NLRP13: variants seen among roughly 807,000 people sequenced by gnomAD.
The protein encoded by NLRP13 is NLR family pyrin domain containing 13, also known as NACHT, LRR and PYD domains-containing protein 13.
In NLRP13, 82 loss-of-function variants were observed where a neutral mutation model predicts 94.4. The observed-to-expected ratio is 0.87, with a 90% CI of 0.73 to 1.04. The LOEUF (loss-of-function observed/expected upper bound fraction) is 1.04. Among genes scored for constraint, NLRP13 ranks in the 50% least tolerant of loss-of-function variants. The pLI is 0.00. For missense variants in NLRP13, 1,426 were observed against 1,230.8 expected (o/e 1.16, Z -2.37); for synonymous variants, 553 against 464.7 (o/e 1.19, Z -2.45).
chr19:55,907,987 T>A (rs370721496), intron 6 of NLRP13, 31 bp from the exon 7 acceptor site: 1 of 1,573,292 alleles, frequency 6.4e-7, no homozygotes, highest in Non-Finnish European at 8.6e-7. Flanking sequence ...GAAAGCTGGA[T>A]TGGGGGAGAA....
At chr19:55,892,091 T>C (rs1985866564), downstream of NLRP13, 5 of 1,231,626 alleles carry the variant, frequency 4.1e-6, no homozygotes, top group Non-Finnish European at 5.1e-6. Flanking sequence ...GTATCTCCTC[T>C]CTCACTACAT....
At chr19:55,918,443 T>G (rs148449927) in intron 4 of NLRP13, among the ~76,000 whole-genome samples, 1 of 152,040 alleles carries the variant, frequency 6.6e-6, no homozygotes, top group African/African-American at 2.4e-5. Context: ...AACCAAAGCT[T>G]GGTTACTTTA....
At chr19:55,891,734 A>G, downstream of NLRP13, 1 of 228,798 alleles carries the variant, frequency 4.4e-6, no homozygotes, top group Non-Finnish European at 8.4e-6. Context: ...AACACCTCCA[A>G]GAATTAAAAA....
At position 55,897,697 on chromosome 19, in the gene NLRP13, G is replaced by A. The variant is rs192523493; in HGVS notation, c.2957+1073C>T. Among the ~76,000 whole-genome samples the A allele has an allele frequency of 1.6e-3, 239 of 152,112 alleles. 2 individuals carry two copies. Among genetic ancestry groups the A allele is most frequent in the African/African-American group, 5.6e-3 (231 of 41,488 alleles). ...CGTTAACCTATTCATGTTTCTTTCA[G>A]GCCTATGAGAGAACAAGTCTAGTTT... On this transcript the variant is annotated intron_variant, in intron 10 of 10. Coordinates refer to ENST00000342929, the MANE Select transcript of NLRP13 (RefSeq NM_176810.2).
chr19:55,924,509 A>T, intron 3 of NLRP13, 81 bp downstream of exon 3: 2 of 954,514 alleles, frequency 2.1e-6, no homozygotes, highest in East Asian at 4.8e-5. Context: ...AAGAAATTTC[A>T]GCATAGGCAG....
intron 6 of NLRP13, among the ~76,000 whole-genome samples, chr19:55,908,507 A>C (rs1986417446): frequency 1.3e-5 from 2 of 152,340 alleles, no homozygotes; most frequent in South Asian, 4.1e-4. Context: ...AATAGCAAAG[A>C]CAGGAAATCA....
At chr19:55,898,198 T>G (rs1041188783) in intron 10 of NLRP13, among the ~76,000 whole-genome samples, 1 of 54,330 alleles carries the variant, frequency 1.8e-5, no homozygotes, top group African/African-American at 8.3e-5. Context: ...AGGAGAGTTT[T>G]TGTTTTTGTT....
At chr19:55,903,710 G>A (rs1211920288) in intron 8 of NLRP13, among the ~76,000 whole-genome samples, 1 of 151,942 alleles carries the variant, frequency 6.6e-6, no homozygotes, top group Non-Finnish European at 1.5e-5. Context: ...CACCCTCTGG[G>A]AGGTGTTCTT....
intron 4 of NLRP13, among the ~76,000 whole-genome samples, chr19:55,917,260 A>G (rs1986696633): frequency 6.6e-6 from 1 of 152,118 alleles, no homozygotes; most frequent in African/African-American, 2.4e-5. Context: ...TGCCATCACA[A>G]AAACACACAA....
intron 7 of NLRP13, among the ~76,000 whole-genome samples, chr19:55,905,999 C>G (rs1220935751): frequency 6.6e-6 from 1 of 152,104 alleles, no homozygotes; most frequent in East Asian, 1.9e-4. Flanking sequence ...TAGCCATGAT[C>G]AAAGTGAGGG....
chr19:55,920,973 T>G (rs1986808708), intron 4 of NLRP13, among the ~76,000 whole-genome samples: 1 of 152,172 alleles, frequency 6.6e-6, no homozygotes, highest in African/African-American at 2.4e-5. Context: ...GCAATATGGA[T>G]AGAACTGGAG....
At chr19:55,931,663 C>G (rs866986622) in intron 1 of NLRP13, among the ~76,000 whole-genome samples, 4 of 105,666 alleles carry the variant, frequency 3.8e-5, no homozygotes, top group African/African-American at 1.4e-4. Context: ...GACCTCAGAT[C>G]GCACCACTGC....
chr19:55,924,202 A>G (rs1437650381), intron 3 of NLRP13, among the ~76,000 whole-genome samples: 1 of 152,184 alleles, frequency 6.6e-6, no homozygotes, highest in Non-Finnish European at 1.5e-5. Context: ...GGCTCACTGC[A>G]ACATCTGCCT....
chr19:55,909,170 T>C (rs1176544968), intron 6 of NLRP13, among the ~76,000 whole-genome samples: 1 of 152,208 alleles, frequency 6.6e-6, no homozygotes, highest in African/African-American at 2.4e-5. Flanking sequence ...AGCTACGCAT[T>C]ACTCTCTCCT....
intron 4 of NLRP13, among the ~76,000 whole-genome samples, chr19:55,921,237 A>G (rs879090823): frequency 2.0e-4 from 31 of 152,342 alleles, no homozygotes; most frequent in East Asian, 1.3e-3. Context: ...TCCATGTAAC[A>G]AAATGGAATG....
At position 55,931,724 on chromosome 19, in the gene NLRP13, AAG is replaced by A. The variant is rs1491121705; in HGVS notation, c.319+267_319+268del. On this transcript the variant is annotated intron_variant, in intron 1 of 10. Transcript: ENST00000342929. Reference sequence around the variant, plus strand: ...GACTCAGGCTCAAAAAAAAAAAAAAAAGAAAGAAAGAAAGAAAGAAAAAGGCT... The same window carrying A: ...GACTCAGGCTCAAAAAAAAAAAAAAAAAAGAAAGAAAGAAAGAAAAAGGCT... Among the ~76,000 whole-genome samples, 56 of 137,134 alleles carry A rather than the reference AAG, an allele frequency of 4.1e-4. 1 individual carries two copies. In the East Asian group the frequency reaches 6.3e-3, roughly 15 times the overall value. 90.0% of individuals were successfully genotyped at this position (137,134 alleles called of 152,430 possible).
In NLRP13 at chr19:55,912,896, C is replaced by A. The variant is rs1986565714; in HGVS notation, c.921G>T (p.Leu307=). ...TTTCCTCAAAGCCATCAATAATAAACAGGAGCTTCTCTGGTTGAGACATGA... is the reference window on the plus strand; with the variant it reads ...TTTCCTCAAAGCCATCAATAATAAAAAGGAGCTTCTCTGGTTGAGACATGA... The part of the protein sequence containing the change: ...EEFMSQPEKL[L]FIIDGFEEII... The change falls in exon 5 of 11, where the codon CTG becomes CTT. Residue 307 remains leucine, a synonymous_variant. Transcript: ENST00000342929. The A allele has an allele frequency of 4.3e-6, 7 of 1,614,202 alleles. No homozygotes were observed. The Middle Eastern group carries it at 4.9e-4, about 114-fold the overall frequency.
chr19:55,922,784 T>C (rs1184093349), intron 4 of NLRP13, among the ~76,000 whole-genome samples: 3 of 152,188 alleles, frequency 2.0e-5, no homozygotes, highest in South Asian at 2.1e-4. Flanking sequence ...GATAATGTTA[T>C]GGGAGGATAG....
intron 6 of NLRP13, among the ~76,000 whole-genome samples, chr19:55,908,960 C>T (rs1429122119): frequency 6.6e-6 from 1 of 152,198 alleles, no homozygotes; most frequent in Non-Finnish European, 1.5e-5. Context: ...GCCTGCCTCT[C>T]ATGAGTTTGG....
Sources: gnomAD v4.1 joint callset for allele counts (sites outside exome capture counted in the v4.1 genomes callset) on GRCh38, gnomAD v4.1.1 for gene constraint, MANE v1.5 for transcripts, NCBI Gene and HGNC (gene_info 2026-07-23, HGNC 2026-07-21) for gene names.